The following SIPA1L1 variants were observed in gnomAD, a reference collection of about 807,000 sequenced individuals.
SIPA1L1 encodes signal-induced proliferation-associated 1-like protein 1.
SIPA1L1 carries 26 observed loss-of-function variants against 162.7 expected under a neutral mutation model. That is an observed-to-expected ratio of 0.16 (90% CI 0.12 to 0.22). The LOEUF is 0.22. Ranked by LOEUF, SIPA1L1 falls within the 10% of genes least tolerant of loss-of-function variation. The pLI, the probability that SIPA1L1 is intolerant of heterozygous loss-of-function variation, is 1.00. For missense variants in SIPA1L1, 1,874 were observed against 2,241.0 expected, an observed-to-expected ratio of 0.84 and a Z score of 3.31; for synonymous variants, 829 against 837.4, an observed-to-expected ratio of 0.99 and a Z score of 0.17.
intron 2 of SIPA1L1, among the ~76,000 whole-genome samples, chr14:71,508,534 A>C (rs890091247): frequency 2.0e-5 from 3 of 152,224 alleles, no homozygotes; most frequent in African/African-American, 7.2e-5. Flanking sequence ...GGAAAGAGAG[A>C]AGATACTAGA....
intron 2 of SIPA1L1, among the ~76,000 whole-genome samples, chr14:71,441,000 A>G (rs2044807100): frequency 6.6e-6 from 1 of 152,182 alleles, no homozygotes; most frequent in Non-Finnish European, 1.5e-5. Context: ...AGATATCACT[A>G]AGGAAAGTTA....
chr14:71,492,709 C>T (rs1432044774), intron 2 of SIPA1L1, among the ~76,000 whole-genome samples: 1 of 152,078 alleles, frequency 6.6e-6, no homozygotes, highest in Admixed American at 6.5e-5. Context: ...ACTCCAGCCT[C>T]AATCTCCCAG....
chr14:71,428,947 A>G (rs867345770), intron 2 of SIPA1L1, among the ~76,000 whole-genome samples: 53 of 152,224 alleles, frequency 3.5e-4, no homozygotes, highest in Non-Finnish European at 2.8e-4. Context: ...TTCTGCTAGA[A>G]GTTGCAAGTT....
chr14:71,632,366 T>C (rs1002112795), intron 7 of SIPA1L1, among the ~76,000 whole-genome samples: 11 of 152,200 alleles, frequency 7.2e-5, no homozygotes, highest in African/African-American at 2.7e-4. Flanking sequence ...TGTCTGTTCT[T>C]TTTAGCAAAA....
intron 2 of SIPA1L1, among the ~76,000 whole-genome samples, chr14:71,393,814 C>G (rs2040962211): frequency 6.6e-6 from 1 of 152,112 alleles, no homozygotes; most frequent in Non-Finnish European, 1.5e-5. Flanking sequence ...CAGCAAGACC[C>G]CATCTCTAAA....
intron 13 of SIPA1L1, among the ~76,000 whole-genome samples, chr14:71,697,552 A>G (rs926686510): frequency 6.6e-6 from 1 of 152,052 alleles, no homozygotes; most frequent in Non-Finnish European, 1.5e-5. Flanking sequence ...GTTATTGGAG[A>G]GTGGGATAAA....
At chr14:71,479,104 T>A (rs1255985681) in intron 2 of SIPA1L1, among the ~76,000 whole-genome samples, 1 of 152,176 alleles carries the variant, frequency 6.6e-6, no homozygotes, top group East Asian at 1.9e-4. Context: ...GAGTCCAGGC[T>A]GGTGATTTCT....
chr14:71,382,044 AGT>A (rs1020053362), intron 2 of SIPA1L1, among the ~76,000 whole-genome samples: 3 of 152,172 alleles, frequency 2.0e-5, no homozygotes, highest in Admixed American at 2.0e-4. Context: ...GAATTCCTTG[AGT>A]GTGCTTAAAT....
intron 5 of SIPA1L1, among the ~76,000 whole-genome samples, chr14:71,590,006 C>A (rs2035063654): frequency 1.0e-5 from 1 of 98,112 alleles, no homozygotes; most frequent in South Asian, 3.1e-4. Context: ...CTAATCTTTT[C>A]TTTGAGTGGG....
chr14:71,395,549 G>A (rs1595206872), intron 2 of SIPA1L1, among the ~76,000 whole-genome samples: 1 of 152,176 alleles, frequency 6.6e-6, no homozygotes, highest in Admixed American at 6.5e-5. Flanking sequence ...TGTAGTCCCA[G>A]CTACTGGGGG....
rs1441523197 is a variant in SIPA1L1 at position 71,371,059 on chromosome 14, T to C, written c.-465+49878T>C. On this transcript the variant is annotated intron_variant, in intron 2 of 23. Coordinates refer to ENST00000381232, the MANE Select transcript of SIPA1L1 (RefSeq NM_001386936.1). ...AAGGCCACTAAATGGGGGAAGTTGA[T>C]CTTTAATTCTATTTATTAAATAACA... Among the ~76,000 whole-genome samples the C allele has an allele frequency of 5.9e-5, 9 of 152,276 alleles. No individual in the cohort carries two copies. In the East Asian group the frequency reaches 1.5e-3, roughly 26 times the overall value.
chr14:71,515,088 C>T (rs1464774022), intron 3 of SIPA1L1, among the ~76,000 whole-genome samples: 1 of 152,162 alleles, frequency 6.6e-6, no homozygotes, highest in African/African-American at 2.4e-5. Context: ...AGCCTCTTTC[C>T]TTCATGCTTA....
Position 71,671,349 on chromosome 14 carries a change from C to A in SIPA1L1, c.2486C>A (p.Ser829Tyr), listed in dbSNP as rs147884302. 160 of 1,614,120 alleles carry A rather than the reference C, an allele frequency of 9.9e-5. No homozygotes were observed. Among genetic ancestry groups the A allele is most frequent in the Non-Finnish European group, 1.2e-4 (147 of 1,180,046 alleles). Reference sequence around the variant, plus strand: ...GTCACCAACACCCCTATCGACCCTTCTGGCAAGTTTCCGTTCATCTCTCTG... The same window carrying A: ...GTCACCAACACCCCTATCGACCCTTATGGCAAGTTTCCGTTCATCTCTCTG... ...KNVTNTPIDP[S>Y]GKFPFISLAS... Residue 829 changes from serine (S) to tyrosine (Y), a missense_variant, in exon 11 of 24, where the codon TCT (serine) becomes TAT (tyrosine). Physicochemically the swap from Ser to Tyr is moderately radical, Grantham distance 144. Coordinates refer to ENST00000381232, the MANE Select transcript of SIPA1L1 (RefSeq NM_001386936.1).
At chr14:71,656,808 C>T (rs950722649) in intron 8 of SIPA1L1, among the ~76,000 whole-genome samples, 3 of 152,204 alleles carry the variant, frequency 2.0e-5, no homozygotes, top group South Asian at 2.1e-4. Context: ...CAGTACCTAA[C>T]GGCAGCGGAG....
intron 2 of SIPA1L1, among the ~76,000 whole-genome samples, chr14:71,425,744 C>G (rs2043512468): frequency 6.6e-6 from 1 of 152,022 alleles, no homozygotes; most frequent in Non-Finnish European, 1.5e-5. Flanking sequence ...TTTGAGTCCT[C>G]TGTTTCCTTG....
intron 2 of SIPA1L1, among the ~76,000 whole-genome samples, chr14:71,343,735 G>C (rs1195664138): frequency 6.6e-6 from 1 of 152,210 alleles, no homozygotes; most frequent in Non-Finnish European, 1.5e-5. Flanking sequence ...AAATGTTTCT[G>C]CTGTTGTGGG....
chr14:71,321,994 T>G (rs1327612285), intron 2 of SIPA1L1, among the ~76,000 whole-genome samples: 1 of 152,200 alleles, frequency 6.6e-6, no homozygotes, highest in Admixed American at 6.5e-5. Context: ...TACGATTACC[T>G]TATAGATTTT....
chr14:71,324,822 A>G (rs2033594336), intron 2 of SIPA1L1, among the ~76,000 whole-genome samples: 1 of 152,168 alleles, frequency 6.6e-6, no homozygotes, highest in South Asian at 2.1e-4. Context: ...ACTAAATTTT[A>G]GACCTTTTTT....
At chr14:71,551,194 A>C (rs1404454444) in intron 4 of SIPA1L1, among the ~76,000 whole-genome samples, 1 of 152,098 alleles carries the variant, frequency 6.6e-6, no homozygotes, top group African/African-American at 2.4e-5. Flanking sequence ...GGATCGTTTG[A>C]TCCCAGGAAT....
Sources: gnomAD v4.1 joint callset for allele counts (sites outside exome capture counted in the v4.1 genomes callset) on GRCh38, gnomAD v4.1.1 for gene constraint, MANE v1.5 for transcripts, NCBI Gene and HGNC (gene_info 2026-07-23, HGNC 2026-07-21) for gene names.